The following GFI1B variants were observed in gnomAD, a reference collection of about 807,000 sequenced individuals.
The protein encoded by GFI1B is growth factor independent 1B transcriptional repressor.
GFI1B carries 20 observed loss-of-function variants against 35.3 expected under a neutral mutation model. The observed-to-expected ratio is 0.57, with a 90% confidence interval of 0.40 to 0.82. GFI1B has a LOEUF of 0.82. GFI1B is among the 40% of genes least tolerant of loss of function. The pLI, the probability that GFI1B is intolerant of heterozygous loss-of-function variation, is 0.00. For missense variants in GFI1B, 430 were observed against 446.3 expected, an observed-to-expected ratio of 0.96 and a Z score of 0.33; for synonymous variants, 178 against 177.6, an observed-to-expected ratio of 1.00 and a Z score of -0.02.
upstream of GFI1B, chr9:132,978,360 G>A (rs570745204): frequency 6.6e-6 from 1 of 152,266 alleles, no homozygotes; most frequent in Admixed American, 6.5e-5. Context: ...AAAAACCAAA[G>A]AGCAATGACT....
chr9:132,983,833 A>C (rs1848923621), intron 1 of GFI1B, among the ~76,000 whole-genome samples: 1 of 152,222 alleles, frequency 6.6e-6, no homozygotes, highest in Non-Finnish European at 1.5e-5. Context: ...GTAACTGCCC[A>C]CCTGCTGGGC....
chr9:132,961,741 G>A (rs909825882), intron 1 of GFI1B, among the ~76,000 whole-genome samples: 12 of 152,074 alleles, frequency 7.9e-5, no homozygotes, highest in African/African-American at 2.4e-4. Flanking sequence ...ACAGGTGCCC[G>A]CCACCACACC....
chr9:132,987,242 A>G (rs764535683), intron 2 of GFI1B, 40 bp from the exon 3 acceptor site: 29 of 1,606,914 alleles, frequency 1.8e-5, no homozygotes, highest in Non-Finnish European at 2.5e-5. Context: ...GCTTCCCAGA[A>G]ACCGTGGCTA....
intron 1 of GFI1B, among the ~76,000 whole-genome samples, chr9:132,971,497 G>A (rs1480514026): frequency 6.6e-6 from 1 of 152,188 alleles, no homozygotes; most frequent in Non-Finnish European, 1.5e-5. Flanking sequence ...CAAGCTGGGG[G>A]AGTTGTCATC....
At chr9:132,992,181 G>A (rs1350332011), downstream of GFI1B, among the ~76,000 whole-genome samples, 5 of 152,126 alleles carry the variant, frequency 3.3e-5, 1 homozygote, top group Non-Finnish European at 7.4e-5. Context: ...ACATAACTTG[G>A]ATCTCTGCTT....
chr9:132,959,167 C>T (rs1424616133), intron 1 of GFI1B, among the ~76,000 whole-genome samples: 1 of 152,096 alleles, frequency 6.6e-6, no homozygotes, highest in Non-Finnish European at 1.5e-5. Flanking sequence ...TCCCATAATC[C>T]CCATGTGTCA....
rs1272416780 is a variant in GFI1B, at chr9:132,989,449, T to C, written c.648+251T>C. Among the ~76,000 whole-genome samples, 1 of 152,220 alleles carries C rather than the reference T, an allele frequency of 6.6e-6. No homozygotes were observed. The highest frequency in any genetic ancestry group is 1.5e-5 in the Non-Finnish European group (1 of 68,044). On this transcript the variant is annotated intron_variant, in intron 5 of 6. Transcript: ENST00000372122. The surrounding 1 kb of genome is among the most constrained non-coding windows in gnomAD (Gnocchi z 6.2). ...CAAGGAACTCACTCTAGGTTAATGGTCATGAAATGTGAACCCCTAAAGAAC... is the reference window on the plus strand; with the variant it reads ...CAAGGAACTCACTCTAGGTTAATGGCCATGAAATGTGAACCCCTAAAGAAC...
intron 1 of GFI1B, among the ~76,000 whole-genome samples, chr9:132,961,299 G>A (rs1848359315): frequency 6.6e-6 from 1 of 151,870 alleles, no homozygotes; most frequent in African/African-American, 2.4e-5. Flanking sequence ...AGCAAGCAGA[G>A]CAAAGTCAGA....
At chr9:132,958,096 C>G (rs1039015920) in intron 1 of GFI1B, among the ~76,000 whole-genome samples, 1 of 152,060 alleles carries the variant, frequency 6.6e-6, no homozygotes, top group African/African-American at 2.4e-5. Context: ...TGATCCTGAG[C>G]TCAGTGAGGA....
chr9:132,950,911 C>G (rs1313818386), intron 1 of GFI1B, among the ~76,000 whole-genome samples: 2 of 152,034 alleles, frequency 1.3e-5, no homozygotes, highest in Non-Finnish European at 2.9e-5. Flanking sequence ...AAACATGGCT[C>G]ACTGCAGCCT....
chr9:132,977,891 G>A (rs915177581), upstream of GFI1B, among the ~76,000 whole-genome samples: 6 of 152,200 alleles, frequency 3.9e-5, no homozygotes, highest in Non-Finnish European at 5.9e-5. Flanking sequence ...TCAGCAGGCC[G>A]AGCGTCTCCT....
chr9:132,986,261 C>G (rs1041301277), intron 1 of GFI1B, among the ~76,000 whole-genome samples: 1 of 148,238 alleles, frequency 6.7e-6, no homozygotes, highest in African/African-American at 2.6e-5. Context: ...GCCTGGCATT[C>G]TCTGGCTGAT....
intron 1 of GFI1B, among the ~76,000 whole-genome samples, chr9:132,980,192 C>T (rs1848771572): frequency 6.7e-6 from 1 of 148,338 alleles, no homozygotes; most frequent in Non-Finnish European, 1.5e-5. Context: ...CAGCGCAGAC[C>T]ATTGCCCCGA....
At position 132,989,180 on chromosome 9, in the gene GFI1B, C is replaced by T. The variant is rs766435981; in HGVS notation, c.630C>T (p.His210=). The change falls in exon 5 of 7, where the codon CAC becomes CAT. Residue 210 remains histidine (H), a synonymous_variant. Transcript: ENST00000372122. This position sits in a 1 kb window ranked among gnomAD's most constrained non-coding sequence, Gnocchi z 6.2. ...GCCACGCTGTGAGCCTGGAGCAGCA[C>T]ACGCACGTCCACTCCCAGGTGGGCA... ...TFGHAVSLEQ[H]THVHSQERSF... is the part of the protein sequence containing the mutation. 5.6e-6 allele frequency: 9 copies of T among 1,613,458 alleles called. No homozygotes were observed. In the East Asian group the frequency reaches 1.3e-4, roughly 24 times the overall value.
rs1364914633 is a variant in GFI1B, at chr9:132,987,350, T to C, written c.169T>C (p.Trp57Arg). The C allele has an allele frequency of 6.2e-7, 1 of 1,614,240 alleles. No homozygotes were observed. The highest frequency in any genetic ancestry group is 8.5e-7 in the Non-Finnish European group (1 of 1,180,026). ...TCTATTCCCAAACCAGTGCCTGGAC[T>C]GGACCAACCTCAAACGAGAGCCGGA... ...STLFPNQCLD[W>R]TNLKREPELE... The change falls in exon 3 of 7, where the codon TGG (tryptophan) becomes CGG (arginine). Residue 57 changes from tryptophan (W) to arginine (R), a missense_variant. Transcript: ENST00000372122.
chr9:132,974,782 A>G (rs1410399748), upstream of GFI1B, among the ~76,000 whole-genome samples: 2 of 146,166 alleles, frequency 1.4e-5, no homozygotes, highest in Non-Finnish European at 3.1e-5. Context: ...CTGGATGACA[A>G]GAAGGAGACA....
chr9:132,958,178 G>A (rs957425400), intron 1 of GFI1B, among the ~76,000 whole-genome samples: 10 of 152,200 alleles, frequency 6.6e-5, no homozygotes, highest in African/African-American at 1.9e-4. Context: ...AAGGCAGGGA[G>A]GGGCTGTTTA....
intron 1 of GFI1B, chr9:132,962,732 G>A: frequency 2.5e-6 from 1 of 400,094 alleles, no homozygotes; most frequent in Non-Finnish European, 4.8e-6. Flanking sequence ...ACCATATCAA[G>A]CTGAAAATGT....
intron 1 of GFI1B, among the ~76,000 whole-genome samples, chr9:132,961,742 C>T (rs754945428): frequency 1.6e-4 from 25 of 152,096 alleles, no homozygotes; most frequent in Non-Finnish European, 3.4e-4. Context: ...CAGGTGCCCG[C>T]CACCACACCT....
Sources: gnomAD v4.1 joint callset for allele counts (sites outside exome capture counted in the v4.1 genomes callset) on GRCh38, gnomAD v4.1.1 for gene constraint, Gnocchi (gnomAD v3.1) non-coding constraint, MANE v1.5 for transcripts, NCBI Gene and HGNC (gene_info 2026-07-23, HGNC 2026-07-21) for gene names.